The following FHIP2A variants were observed in gnomAD, a reference collection of about 807,000 sequenced individuals.
FHIP2A encodes the protein family with sequence similarity 160 member B1.
Under a neutral mutation model 93.5 loss-of-function variants are expected in FHIP2A, and 46 were observed. The observed-to-expected ratio is 0.49, with a 90% confidence interval of 0.39 to 0.63. The LOEUF (loss-of-function observed/expected upper bound fraction) is 0.63. Ranked by LOEUF, FHIP2A falls within the 20% of genes least tolerant of loss-of-function variation. FHIP2A has a pLI of 0.00. For missense variants in FHIP2A, 769 were observed against 909.7 expected (o/e 0.85, Z 1.99); for synonymous variants, 332 against 326.5 (o/e 1.02, Z -0.18).
Position 114,843,724 on chromosome 10 carries a change from A to C in FHIP2A, c.817-17A>C, listed in dbSNP as rs2083683328. On this transcript the variant is annotated splice_polypyrimidine_tract_variant and intron_variant, in intron 6 of 16. Coordinates refer to ENST00000369248, the MANE Select transcript of FHIP2A (RefSeq NM_020940.4). ...TATACAATTCAAGAATTGAAGGGGG[A>C]TTTTTTTTTCCTTTAGGATGGCAGA... 1 of 1,461,150 alleles carries C rather than the reference A, an allele frequency of 6.8e-7. No individual in the cohort carries two copies. Among genetic ancestry groups the C allele is most frequent in the Admixed American group, 2.6e-5 (1 of 38,102 alleles). The allele number at this position is 1,461,150 out of a possible 1,614,324, so 90.5% of individuals were successfully genotyped here.
chr10:114,895,097 TAGG>T (rs1352426455), intron 16 of FHIP2A, among the ~76,000 whole-genome samples: 2 of 152,184 alleles, frequency 1.3e-5, no homozygotes, highest in African/African-American at 2.4e-5. Context: ...GAATAGACAG[TAGG>T]AGTGGAATGT....
chr10:114,869,007 A>G (rs1592028905), downstream of FHIP2A, among the ~76,000 whole-genome samples: 1 of 152,212 alleles, frequency 6.6e-6, no homozygotes, highest in Non-Finnish European at 1.5e-5. Context: ...AGATTAGGCA[A>G]GACAAGCAAA....
intron 14 of FHIP2A, 107 bp downstream of exon 14, chr10:114,855,447 C>A: frequency 1.0e-6 from 1 of 959,330 alleles, no homozygotes. Flanking sequence ...TGTTTTCTTA[C>A]TTTTTCCACT....
At chr10:114,837,872 A>G (rs996322689) in intron 5 of FHIP2A, among the ~76,000 whole-genome samples, 6 of 152,216 alleles carry the variant, frequency 3.9e-5, no homozygotes, top group Non-Finnish European at 8.8e-5. Flanking sequence ...GTTGAGTACT[A>G]TACCATTGTA....
At chr10:114,870,069 A>C (rs1459984998) in intron 16 of FHIP2A, among the ~76,000 whole-genome samples, 1 of 152,208 alleles carries the variant, frequency 6.6e-6, no homozygotes, top group Non-Finnish European at 1.5e-5. Context: ...TTTTAAGGCC[A>C]TTATTAAAAT....
intron 16 of FHIP2A, among the ~76,000 whole-genome samples, chr10:114,892,657 T>C (rs1212026612): frequency 2.0e-5 from 3 of 151,682 alleles, no homozygotes; most frequent in Non-Finnish European, 4.4e-5. Context: ...ATAATAATAA[T>C]GACAAAAATT....
At position 114,843,899 on chromosome 10, in the gene FHIP2A, T is replaced by A. The variant is rs1181365513; in HGVS notation, c.975T>A (p.Asp325Glu). The A allele has an allele frequency of 6.3e-7, 1 of 1,588,820 alleles. No homozygotes were observed. The highest frequency in any genetic ancestry group is 1.2e-5 in the South Asian group (1 of 86,202). ...ACAAGGCCCTACCTCAGTCAGTGGA[T>A]CCGTTAGATATTGAAACCGTGGAAG... is the stretch of plus-strand genomic sequence containing the variant. ...SLYKALPQSVDPLDIETVEAI... is the reference protein window; with the variant it reads ...SLYKALPQSVEPLDIETVEAI... Residue 325 changes from aspartate to glutamate, a missense_variant, in exon 7 of 17, where the codon GAT (aspartate) becomes GAA (glutamate). Asp to Glu is a conservative substitution (Grantham distance 45). Coordinates refer to ENST00000369248, the MANE Select transcript of FHIP2A (RefSeq NM_020940.4).
At chr10:114,872,630 T>C (rs2083865376) in intron 16 of FHIP2A, among the ~76,000 whole-genome samples, 1 of 152,206 alleles carries the variant, frequency 6.6e-6, no homozygotes, top group Admixed American at 6.5e-5. Context: ...ATTAGGATAA[T>C]CAAGGGACAG....
intron 14 of FHIP2A, among the ~76,000 whole-genome samples, chr10:114,859,279 G>T (rs989098106): frequency 6.6e-6 from 1 of 151,108 alleles, no homozygotes; most frequent in South Asian, 2.1e-4. Flanking sequence ...TCATCGTAGC[G>T]TCTGTAGCTG....
chr10:114,874,735 C>G (rs2083875784), intron 16 of FHIP2A, among the ~76,000 whole-genome samples: 1 of 152,094 alleles, frequency 6.6e-6, no homozygotes. Context: ...AACTCCTGAC[C>G]TCAGGAGATC....
Position 114,862,547 on chromosome 10 carries a change from A to C in FHIP2A, c.*1007A>C. The C allele has an allele frequency of 1.0e-6, 1 of 987,398 alleles. No homozygotes were observed. Among genetic ancestry groups the C allele is most frequent in the Middle Eastern group, 2.8e-4 (1 of 3,536 alleles). 61.2% of individuals were successfully genotyped at this position (987,398 alleles called of 1,614,324 possible). Reference sequence around the variant, plus strand: ...AGTCTTTTGTTTTAAATGATTCTAAAGAGATTAAAGAAAACAGAGTTTTAA... The same window carrying C: ...AGTCTTTTGTTTTAAATGATTCTAACGAGATTAAAGAAAACAGAGTTTTAA... On this transcript the variant is annotated 3_prime_UTR_variant, in exon 17 of 17. Transcript: ENST00000369248.
At position 114,846,165 on chromosome 10, in the gene FHIP2A, T is replaced by C. The variant is rs751788989; in HGVS notation, c.1206-10T>C. 4 of 1,613,840 alleles carry C rather than the reference T, an allele frequency of 2.5e-6. No individual in the cohort carries two copies. Among genetic ancestry groups the C allele is most frequent in the South Asian group, 2.2e-5 (2 of 91,066 alleles). The stretch of plus-strand genomic sequence containing the variant: ...TTTTTGCCCACTGACTACCTGTTCA[T>C]TGTGCTCAGTTCTGAGATGGGTATT... On this transcript the variant is annotated splice_polypyrimidine_tract_variant and intron_variant, in intron 9 of 16. Coordinates refer to ENST00000369248, the MANE Select transcript of FHIP2A (RefSeq NM_020940.4).
intron 13 of FHIP2A, among the ~76,000 whole-genome samples, chr10:114,850,296 C>T (rs745951683): frequency 5.3e-5 from 8 of 152,106 alleles, no homozygotes; most frequent in Non-Finnish European, 1.2e-4. Context: ...ATTTTAGCTA[C>T]CCCAGGAGGT....
intron 1 of FHIP2A, among the ~76,000 whole-genome samples, chr10:114,823,747 C>G (rs2083557563): frequency 6.6e-6 from 1 of 151,934 alleles, no homozygotes; most frequent in East Asian, 1.9e-4. Context: ...GATCGCCCGC[C>G]TTGGCCTCCC....
intron 16 of FHIP2A, among the ~76,000 whole-genome samples, chr10:114,874,291 C>T (rs2083873410): frequency 6.6e-6 from 1 of 152,178 alleles, no homozygotes; most frequent in Admixed American, 6.5e-5. Flanking sequence ...GAATCACATC[C>T]TAACAGGTTA....
At chr10:114,847,750 CTTT>C (rs35185002) in intron 12 of FHIP2A, among the ~76,000 whole-genome samples, 2 of 139,032 alleles carry the variant, frequency 1.4e-5, no homozygotes, top group Admixed American at 7.3e-5. Context: ...CCTCCCCCAC[CTTT>C]TTTTTTTTTT....
intron 11 of FHIP2A, 69 bp from the exon 12 acceptor site, chr10:114,847,021 G>T: frequency 7.5e-7 from 1 of 1,326,326 alleles, no homozygotes. Flanking sequence ...GAACATAGCA[G>T]AGAATCTTTT....
In FHIP2A at chr10:114,836,148, G is replaced by A. The variant is rs753303555; in HGVS notation, c.424G>A (p.Val142Ile). 2.8e-5 allele frequency: 45 copies of A among 1,600,352 alleles called. No individual in the cohort carries two copies. Among genetic ancestry groups the A allele is most frequent in the Non-Finnish European group, 1.9e-5 (22 of 1,170,118 alleles). Reference protein sequence around the residue: ...VQKLIRLCGEVLATPTENEEI... With the variant: ...VQKLIRLCGEILATPTENEEI... Reference sequence around the variant, plus strand: ...GAAATTAATTAGACTCTGTGGTGAAGTCCTAGCAACACCAACAGAAAATGA... The same window carrying A: ...GAAATTAATTAGACTCTGTGGTGAAATCCTAGCAACACCAACAGAAAATGA... The change falls in exon 5 of 17, where the codon GTC becomes ATC. Residue 142 changes from valine to isoleucine, a missense_variant. Physicochemically the swap from Val to Ile is conservative, Grantham distance 29. Transcript: ENST00000369248.
chr10:114,887,448 G>A (rs1306961772), intron 16 of FHIP2A, among the ~76,000 whole-genome samples: 3 of 152,158 alleles, frequency 2.0e-5, no homozygotes, highest in Admixed American at 6.5e-5. Flanking sequence ...AACCCTATGA[G>A]GGAGGCCTAG....
Sources: allele counts gnomAD v4.1 joint callset (sites outside exome capture counted in the v4.1 genomes callset), GRCh38; gene constraint gnomAD v4.1.1; transcripts MANE v1.5; gene names NCBI Gene and HGNC (gene_info 2026-07-23, HGNC 2026-07-21).